The following AKAP12 variants were observed in gnomAD, a reference collection of about 807,000 sequenced individuals.
AKAP12 encodes A-kinase anchor protein 12.
AKAP12 carries 32 observed loss-of-function variants against 79.9 expected under a neutral mutation model. That is an observed-to-expected ratio of 0.40 (90% CI 0.30 to 0.54). The LOEUF is 0.54. AKAP12 is among the 20% of genes least tolerant of loss of function. The probability of loss-of-function intolerance (pLI) is 0.48; values close to 1 mark genes in which losing one functional copy is unlikely to be tolerated. For missense variants in AKAP12, 2,074 were observed against 2,177.0 expected (o/e 0.95, Z 0.94); for synonymous variants, 808 against 857.0 (o/e 0.94, Z 1.00).
intron 2 of AKAP12, among the ~76,000 whole-genome samples, chr6:151,271,629 A>G (rs374822457): frequency 6.6e-6 from 1 of 151,594 alleles, no homozygotes; most frequent in South Asian, 2.1e-4. Flanking sequence ...CCCAGCCCAC[A>G]ACTGAAAAAC....
intron 4 of AKAP12, 25 bp downstream of exon 4, chr6:151,353,777 A>T: frequency 6.8e-7 from 1 of 1,468,248 alleles, no homozygotes; most frequent in Non-Finnish European, 9.0e-7. Flanking sequence ...CTTCTAAGAT[A>T]ATTTTTCTCT....
chr6:151,295,448 A>G (rs771082406), intron 2 of AKAP12, among the ~76,000 whole-genome samples: 18 of 152,326 alleles, frequency 1.2e-4, no homozygotes, highest in Non-Finnish European at 7.3e-5. Context: ...TGGGATTTGT[A>G]GACAGTGGCG....
At position 151,352,052 on chromosome 6, in the gene AKAP12, C is replaced by G. The variant is rs1406292822; in HGVS notation, c.3661C>G (p.Pro1221Ala). The G allele has an allele frequency of 3.7e-6, 6 of 1,613,972 alleles. No homozygotes were observed. The highest frequency in any genetic ancestry group is 5.1e-6 in the Non-Finnish European group (6 of 1,180,022). The change falls in exon 4 of 5, where the codon CCT (proline) becomes GCT (alanine). Residue 1221 changes from proline (P) to alanine (A), a missense_variant. By Grantham distance (27) the Pro-to-Ala change is conservative (BLOSUM62 -1). This residue lies in a region of AKAP12 where 614 missense variants were observed against 665.6 expected (regional missense o/e 0.92). Transcript: ENST00000402676. ...GGCAGTTCCTGCACAGAAAGAGAGG[C>G]CTCCAGCACCTTCCAGTTTTGTGTT... ...AEAVPAQKER[P>A]PAPSSFVFQE...
intron 2 of AKAP12, among the ~76,000 whole-genome samples, chr6:151,261,136 C>T (rs553575053): frequency 1.2e-4 from 18 of 152,060 alleles, no homozygotes; most frequent in Non-Finnish European, 2.4e-4. Flanking sequence ...GCTTGTAATC[C>T]CAGCACTCTG....
chr6:151,334,332 G>A (rs1331351623), intron 3 of AKAP12, among the ~76,000 whole-genome samples: 5 of 152,060 alleles, frequency 3.3e-5, no homozygotes, highest in African/African-American at 9.7e-5. Flanking sequence ...GGTGGCTCAC[G>A]CCTGTAATCC....
At chr6:151,319,291 T>C (rs991074945) in intron 3 of AKAP12, among the ~76,000 whole-genome samples, 2 of 151,968 alleles carry the variant, frequency 1.3e-5, no homozygotes, top group Admixed American at 6.6e-5. Flanking sequence ...ACTCAATTAG[T>C]TGATATTTAT....
At chr6:151,318,321 T>G (rs1310115333) in intron 3 of AKAP12, among the ~76,000 whole-genome samples, 2 of 152,216 alleles carry the variant, frequency 1.3e-5, no homozygotes, top group African/African-American at 4.8e-5. Context: ...TATATGGTGC[T>G]TTTATAGCAG....
At chr6:151,309,679 AGG>A (rs1777049236) in intron 3 of AKAP12, among the ~76,000 whole-genome samples, 2 of 152,156 alleles carry the variant, frequency 1.3e-5, no homozygotes, top group Non-Finnish European at 2.9e-5. Flanking sequence ...AGATTTGGGG[AGG>A]GGGCTTGATT....
At chr6:151,254,476 C>A (rs549882965) in intron 2 of AKAP12, among the ~76,000 whole-genome samples, 3 of 152,152 alleles carry the variant, frequency 2.0e-5, no homozygotes, top group Admixed American at 2.0e-4. Flanking sequence ...CTCAGTCTTG[C>A]AAGTAGCTGG....
intron 2 of AKAP12, among the ~76,000 whole-genome samples, chr6:151,249,775 A>G (rs908857581): frequency 6.6e-6 from 1 of 152,132 alleles, no homozygotes; most frequent in East Asian, 1.9e-4. Context: ...TGCTGTGTCT[A>G]TTTGTGCAAT....
At chr6:151,264,741 T>TGACAA in intron 2 of AKAP12, among the ~76,000 whole-genome samples, 1 of 151,810 alleles carries the variant, frequency 6.6e-6, no homozygotes, top group Non-Finnish European at 1.5e-5. Context: ...CATTTTTAGG[T>TGACAA]AATATATCTG....
intron 2 of AKAP12, among the ~76,000 whole-genome samples, chr6:151,292,026 A>T (rs1471437051): frequency 6.6e-6 from 1 of 152,208 alleles, no homozygotes; most frequent in East Asian, 1.9e-4. Flanking sequence ...GCAGTTTAGA[A>T]TTCAGCCTCC....
chr6:151,341,532 G>T (rs1182331549), intron 3 of AKAP12, among the ~76,000 whole-genome samples: 4 of 152,194 alleles, frequency 2.6e-5, no homozygotes, highest in Admixed American at 6.5e-5. Flanking sequence ...GCGCGGGGAG[G>T]CTGCGTCTTT....
chr6:151,317,207 G>A (rs1015135059), intron 3 of AKAP12, among the ~76,000 whole-genome samples: 3 of 152,176 alleles, frequency 2.0e-5, no homozygotes, highest in East Asian at 3.8e-4. Context: ...AGGCTCTTCT[G>A]CTTAACCACT....
rs1796954387 is a variant in AKAP12, at chr6:151,240,719, A to G, written c.157A>G (p.Thr53Ala). Reference protein sequence around the residue: ...DPAIAASDPATKLLQKNGQLS... With the variant: ...DPAIAASDPAAKLLQKNGQLS... Reference sequence around the variant, plus strand: ...CGCCATCGCTGCCTCGGACCCCGCCACCAAGGTACGGGCGTGCCGGGCCAC... The same window carrying G: ...CGCCATCGCTGCCTCGGACCCCGCCGCCAAGGTACGGGCGTGCCGGGCCAC... The change falls in exon 2 of 5, where the codon ACC becomes GCC. Residue 53 changes from threonine (T) to alanine (A), a missense_variant. Coordinates refer to ENST00000402676, the MANE Select transcript of AKAP12 (RefSeq NM_005100.4). 1 of 1,028,170 alleles carries G rather than the reference A, an allele frequency of 9.7e-7. No homozygotes were observed. Among genetic ancestry groups the G allele is most frequent in the Non-Finnish European group, 1.2e-6 (1 of 858,624 alleles). 63.7% of individuals were successfully genotyped at this position (1,028,170 alleles called of 1,614,324 possible).
At chr6:151,304,344 C>G (rs112045955) in intron 2 of AKAP12, among the ~76,000 whole-genome samples, 21,917 of 151,142 alleles carry the variant, frequency 0.15, 1,818 homozygotes, top group Middle Eastern at 0.23. Flanking sequence ...CAAAAATTAG[C>G]CAGGCATGGT....
chr6:151,325,441 A>C (rs1422612300), intron 3 of AKAP12: 1 of 985,254 alleles, frequency 1.0e-6, no homozygotes, highest in African/African-American at 1.7e-5. Flanking sequence ...GCACCCTTTA[A>C]ACCCTCCCGG....
rs1491440185 is a variant in AKAP12, at chr6:151,286,944, T to TG, written c.163-18803_163-18802insG. On this transcript the variant is annotated intron_variant, in intron 2 of 4. Transcript: ENST00000402676. Reference sequence around the variant, plus strand: ...GGTAAGCATATTTTCTTTTTCTTTCTTTTTTTTTTTTTGAGACGGAGTCTC... The same window carrying TG: ...GGTAAGCATATTTTCTTTTTCTTTCTGTTTTTTTTTTTTGAGACGGAGTCTC... 4.9e-5 allele frequency among the ~76,000 whole-genome samples: 7 copies of TG among 143,288 alleles called. No homozygotes were observed. The South Asian group carries it at 1.3e-3, about 27-fold the overall frequency. 94.0% of individuals were successfully genotyped at this position (143,288 alleles called of 152,430 possible). A position where few individuals can be genotyped will look rare whatever the true frequency, so the allele number is the denominator to read the frequency against.
At chr6:151,269,489 C>T (rs1274388899) in intron 2 of AKAP12, among the ~76,000 whole-genome samples, 3 of 152,104 alleles carry the variant, frequency 2.0e-5, no homozygotes, top group African/African-American at 7.2e-5. Context: ...TAGGAATCAA[C>T]AGCACTTGAA....
Sources: gnomAD v4.1 joint callset for allele counts (sites outside exome capture counted in the v4.1 genomes callset) on GRCh38, gnomAD v4.1.1 for gene constraint, gnomAD v4.1.1 regional missense constraint, MANE v1.5 for transcripts, NCBI Gene and HGNC (gene_info 2026-07-23, HGNC 2026-07-21) for gene names.